Variants in PCDH15 observed in about 807,000 individuals in gnomAD.
PCDH15 encodes the protein protocadherin related 15, also known as protocadherin-15.
Under a neutral mutation model 178.5 loss-of-function variants are expected in PCDH15, and 129 were observed. The observed-to-expected ratio is 0.72, with a 90% CI of 0.63 to 0.84. The LOEUF (loss-of-function observed/expected upper bound fraction) is 0.84, where lower values mean the gene tolerates loss of function less well. PCDH15 is among the 40% of genes least tolerant of loss of function. The pLI, the probability that PCDH15 is intolerant of heterozygous loss-of-function variation, is 0.00. For missense variants in PCDH15, 2,230 were observed against 2,099.9 expected, an observed-to-expected ratio of 1.06 and a Z score of -1.21; for synonymous variants, 800 against 732.0, an observed-to-expected ratio of 1.09 and a Z score of -1.50.
At chr10:53,934,597 C>CAA (rs201193553) in intron 25 of PCDH15, among the ~76,000 whole-genome samples, 2,421 of 121,330 alleles carry the variant, frequency 0.02, 60 homozygotes, top group African/African-American at 0.062. Context: ...GACTCTGTCT[C>CAA]AAAAAAAAAA....
At chr10:54,456,450 T>C (rs2076827875) in intron 3 of PCDH15, among the ~76,000 whole-genome samples, 1 of 148,048 alleles carries the variant, frequency 6.8e-6, no homozygotes, top group Admixed American at 6.8e-5. Flanking sequence ...ATTACCTCTA[T>C]GTGGAATGGA....
intron 15 of PCDH15, among the ~76,000 whole-genome samples, chr10:54,093,425 A>C (rs1215935838): frequency 6.6e-6 from 1 of 152,186 alleles, no homozygotes; most frequent in Non-Finnish European, 1.5e-5. Context: ...AAAGTTCTGC[A>C]ATCTATGCAT....
intron 3 of PCDH15, among the ~76,000 whole-genome samples, chr10:54,520,249 A>C (rs1392258428): frequency 6.6e-6 from 1 of 152,238 alleles, no homozygotes; most frequent in Non-Finnish European, 1.5e-5. Context: ...TGCAAAGCAA[A>C]AGAAACTACC....
chr10:54,001,237 C>T (rs2092121020), intron 20 of PCDH15, among the ~76,000 whole-genome samples: 1 of 152,096 alleles, frequency 6.6e-6, no homozygotes. Context: ...AAGAAATCAT[C>T]TGAAGATACA....
chr10:54,297,910 T>C (rs2059901573), intron 8 of PCDH15, among the ~76,000 whole-genome samples: 1 of 152,084 alleles, frequency 6.6e-6, no homozygotes, highest in Non-Finnish European at 1.5e-5. Flanking sequence ...GCCTGAGAGT[T>C]TGGAGATACC....
chr10:55,172,697 T>A (rs1490312647), intron 1 of PCDH15, among the ~76,000 whole-genome samples: 12 of 152,048 alleles, frequency 7.9e-5, no homozygotes, highest in Admixed American at 7.9e-4. Flanking sequence ...CACTATTCTT[T>A]AAATTATGTT....
intron 13 of PCDH15, among the ~76,000 whole-genome samples, chr10:54,168,186 T>C (rs1343504120): frequency 6.6e-6 from 1 of 152,122 alleles, no homozygotes; most frequent in African/African-American, 2.4e-5. Flanking sequence ...AATGGCACTT[T>C]GAATTTTTCC....
intron 1 of PCDH15, among the ~76,000 whole-genome samples, chr10:55,313,236 C>T (rs180789009): frequency 9.2e-5 from 14 of 152,134 alleles, no homozygotes; most frequent in African/African-American, 3.4e-4. Flanking sequence ...TGTTTAGAAC[C>T]TTAAAATATT....
chr10:55,087,249 T>C (rs1300094303), intron 2 of PCDH15, among the ~76,000 whole-genome samples: 3 of 152,146 alleles, frequency 2.0e-5, no homozygotes, highest in Admixed American at 1.3e-4. Flanking sequence ...ACATATGAAA[T>C]TATATGTTAC....
chr10:54,329,628 T>C lies in PCDH15; in HGVS notation c.673A>G (p.Lys225Glu). 1 of 1,606,274 alleles carries C rather than the reference T, an allele frequency of 6.2e-7. No individual in the cohort carries two copies. The highest frequency in any genetic ancestry group is 8.5e-7 in the Non-Finnish European group (1 of 1,173,218). ...TGGATTATGACAAAGTAGCGAGTCTTATCTTCATAGTTGAGCCTCTTCCTT... is the reference window on the plus strand; with the variant it reads ...TGGATTATGACAAAGTAGCGAGTCTCATCTTCATAGTTGAGCCTCTTCCTT... ...VLRKRLNYED[K>E]TRYFVIIQAN... The change falls in exon 7 of 38, where the codon AAG becomes GAG. Residue 225 changes from lysine to glutamate, a missense_variant. Lys to Glu is a moderately conservative substitution (Grantham distance 56). Coordinates refer to ENST00000644397, the MANE Select transcript of PCDH15 (RefSeq NM_001384140.1).
At chr10:54,381,560 G>A (rs1949244923) in intron 3 of PCDH15, among the ~76,000 whole-genome samples, 1 of 151,972 alleles carries the variant, frequency 6.6e-6, no homozygotes, top group Admixed American at 6.6e-5. Context: ...TTACAGATAA[G>A]TTAAAAATAA....
chr10:55,563,366 G>T (rs543926712), intron 2 of PCDH15, among the ~76,000 whole-genome samples: 45 of 151,846 alleles, frequency 3.0e-4, no homozygotes, highest in African/African-American at 9.4e-4. Context: ...AAATTAGAAA[G>T]TTTCAGTGTA....
At chr10:54,622,014 A>T (rs2093363715) in intron 2 of PCDH15, among the ~76,000 whole-genome samples, 1 of 151,986 alleles carries the variant, frequency 6.6e-6, no homozygotes, top group South Asian at 2.1e-4. Flanking sequence ...AGGAATGAGA[A>T]TTTAAGTTTC....
intron 2 of PCDH15, among the ~76,000 whole-genome samples, chr10:55,562,675 T>C (rs563522493): frequency 2.6e-5 from 4 of 152,152 alleles, no homozygotes; most frequent in African/African-American, 9.6e-5. Context: ...TCATTAACTA[T>C]TTATGTGATA....
chr10:54,348,804 GT>G, intron 5 of PCDH15, among the ~76,000 whole-genome samples: 1 of 152,068 alleles, frequency 6.6e-6, no homozygotes, highest in Non-Finnish European at 1.5e-5. Context: ...TTTAAATTTT[GT>G]ATCCTTTGAC....
intron 18 of PCDH15, among the ~76,000 whole-genome samples, chr10:54,057,146 A>C (rs897584505): frequency 1.3e-5 from 2 of 152,122 alleles, no homozygotes; most frequent in African/African-American, 4.8e-5. Flanking sequence ...GCGACTTGCC[A>C]GGCCCAAAGT....
At chr10:54,056,503 A>G (rs1463717645) in intron 18 of PCDH15, among the ~76,000 whole-genome samples, 1 of 152,160 alleles carries the variant, frequency 6.6e-6, no homozygotes, top group Non-Finnish European at 1.5e-5. Flanking sequence ...TCCCATTTAT[A>G]AAACCATCAG....
chr10:54,776,956 T>A (rs1949775805), intron 1 of PCDH15, among the ~76,000 whole-genome samples: 2 of 152,154 alleles, frequency 1.3e-5, no homozygotes, highest in South Asian at 4.1e-4. Context: ...GAGACATAAT[T>A]TAAAAGAAAT....
intron 3 of PCDH15, among the ~76,000 whole-genome samples, chr10:54,499,615 T>A (rs904276855): frequency 6.6e-6 from 1 of 152,016 alleles, no homozygotes; most frequent in African/African-American, 2.4e-5. Flanking sequence ...AAAAAATTAT[T>A]TGAAACTAAG....
Sources: allele counts gnomAD v4.1 joint callset (sites outside exome capture counted in the v4.1 genomes callset), GRCh38; gene constraint gnomAD v4.1.1; transcripts MANE v1.5; gene names NCBI Gene and HGNC (gene_info 2026-07-23, HGNC 2026-07-21).